The following PEX13 variants were observed in gnomAD, a reference collection of about 807,000 sequenced individuals.
PEX13 encodes peroxisome biogenesis factor 13.
In PEX13, 28 loss-of-function variants were observed where a neutral mutation model predicts 34.5. The observed-to-expected ratio is 0.81, with a 90% CI of 0.60 to 1.11. The LOEUF (loss-of-function observed/expected upper bound fraction) is 1.11. PEX13 is among the 50% of genes most tolerant of loss of function. PEX13 has a pLI of 0.00. For missense variants in PEX13, 550 were observed against 491.0 expected (o/e 1.12, Z -1.13); for synonymous variants, 177 against 175.1 (o/e 1.01, Z -0.09).
chr2:61,018,359 A>T, intron 1 of PEX13: 1 of 1,495,180 alleles, frequency 6.7e-7, no homozygotes, highest in Non-Finnish European at 9.0e-7. Context: ...AGCATAACTC[A>T]GCCAGTGTTT....
intron 2 of PEX13, among the ~76,000 whole-genome samples, chr2:61,038,129 A>G (rs1161357248): frequency 6.6e-6 from 1 of 152,208 alleles, no homozygotes; most frequent in Non-Finnish European, 1.5e-5. Flanking sequence ...TACCAACCAA[A>G]AAAAGTCCAG....
Position 61,045,579 on chromosome 2 carries a change from A to G in PEX13, c.788-147A>G, listed in dbSNP as rs181569906. 118 of 650,438 alleles carry G rather than the reference A, an allele frequency of 1.8e-4. No homozygotes were observed. The East Asian group carries it at 3.1e-3, about 17-fold the overall frequency. The allele number at this position is 650,438 out of a possible 1,614,324, so 40.3% of individuals were successfully genotyped here. ...GGTATCTTTAGTGGATCTATTGTTG[A>G]TTTAACATAGTATTCATTATAGTTT... On this transcript the variant is annotated intron_variant, in intron 2 of 3. Transcript: ENST00000295030.
At chr2:61,040,743 A>C (rs1680609899) in intron 2 of PEX13, among the ~76,000 whole-genome samples, 1 of 148,464 alleles carries the variant, frequency 6.7e-6, no homozygotes, top group Non-Finnish European at 1.5e-5. Context: ...TTAAATGTAA[A>C]TATATATATA....
intron 3 of PEX13, among the ~76,000 whole-genome samples, chr2:61,048,017 C>T (rs972315130): frequency 6.6e-6 from 1 of 152,084 alleles, no homozygotes; most frequent in African/African-American, 2.4e-5. Context: ...ATTACAATCA[C>T]ATGAAACGAA....
At position 61,026,344 on chromosome 2, in the gene PEX13, C is replaced by CTTTTTTTTTT. The variant is rs71402320; in HGVS notation, c.93-5066_93-5057dup. 2.5e-5 allele frequency among the ~76,000 whole-genome samples: 3 copies of CTTTTTTTTTT among 121,222 alleles called. 1 individual carries two copies. The highest frequency in any genetic ancestry group is 1.7e-5 in the Non-Finnish European group (1 of 58,534). 79.5% of individuals were successfully genotyped at this position (121,222 alleles called of 152,430 possible). Reference sequence around the variant, plus strand: ...TGGCTGTGGCCACCTTTTCTTTTTTCTTTTTTTTTTTTTTTTTTGAGACGG... The same window carrying CTTTTTTTTTT: ...TGGCTGTGGCCACCTTTTCTTTTTTCTTTTTTTTTTTTTTTTTTTTTTTTTTTTGAGACGG... On this transcript the variant is annotated intron_variant, in intron 1 of 3. Coordinates refer to ENST00000295030, the MANE Select transcript of PEX13 (RefSeq NM_002618.4).
At chr2:61,045,340 C>A (rs1462116062) in intron 2 of PEX13, among the ~76,000 whole-genome samples, 1 of 152,138 alleles carries the variant, frequency 6.6e-6, no homozygotes, top group Non-Finnish European at 1.5e-5. Context: ...CAAAAAGAAA[C>A]ATGGTTATTA....
chr2:61,036,002 C>T (rs1196165759), intron 2 of PEX13, among the ~76,000 whole-genome samples: 1 of 144,370 alleles, frequency 6.9e-6, no homozygotes, highest in Admixed American at 6.9e-5. Flanking sequence ...AAAAAAAAGC[C>T]GATTCAATCA....
chr2:61,044,233 G>A (rs1475561391), intron 2 of PEX13, among the ~76,000 whole-genome samples: 1 of 151,874 alleles, frequency 6.6e-6, no homozygotes, highest in African/African-American at 2.4e-5. Flanking sequence ...TTACAGGCAT[G>A]AACCACCATG....
intron 2 of PEX13, among the ~76,000 whole-genome samples, chr2:61,041,071 G>A (rs1215981369): frequency 6.6e-6 from 1 of 152,036 alleles, no homozygotes; most frequent in Non-Finnish European, 1.5e-5. Context: ...CCAACACTGG[G>A]AGGATGAGGC....
At position 61,032,093 on chromosome 2, in the gene PEX13, C is replaced by A. The variant is rs985608709; in HGVS notation, c.767C>A (p.Thr256Asn). The change falls in exon 2 of 4, where the codon ACT (threonine) becomes AAT (asparagine). Residue 256 changes from threonine to asparagine, a missense_variant. Physicochemically the swap from Thr to Asn is moderately conservative, Grantham distance 65. Transcript: ENST00000295030. ...GPYLIWKLLS[T>N]HSDEVTDSIN... ...TACCTCATTTGGAAACTATTGTCTA[C>A]TCACAGTGATGAAGTAACAGGTAAG... The A allele has an allele frequency of 6.2e-7, 1 of 1,612,738 alleles. No individual in the cohort carries two copies. Among genetic ancestry groups the A allele is most frequent in the Non-Finnish European group, 8.5e-7 (1 of 1,178,850 alleles).
At chr2:61,037,323 C>T (rs1374939910) in intron 2 of PEX13, among the ~76,000 whole-genome samples, 8 of 152,218 alleles carry the variant, frequency 5.3e-5, no homozygotes, top group African/African-American at 1.9e-4. Flanking sequence ...ATACATTCTT[C>T]TCAGCACCAC....
chr2:61,039,117 A>G (rs1429113622), intron 2 of PEX13, among the ~76,000 whole-genome samples: 4 of 152,256 alleles, frequency 2.6e-5, no homozygotes, highest in Non-Finnish European at 2.9e-5. Context: ...ATGGAAGAAC[A>G]TTCCATGCCC....
At chr2:61,033,651 G>A (rs1680488504) in intron 2 of PEX13, among the ~76,000 whole-genome samples, 1 of 152,198 alleles carries the variant, frequency 6.6e-6, no homozygotes, top group African/African-American at 2.4e-5. Context: ...AATTTTGGGA[G>A]TGTCAGGAGG....
At chr2:61,034,562 G>A (rs1288890685) in intron 2 of PEX13, among the ~76,000 whole-genome samples, 1 of 152,180 alleles carries the variant, frequency 6.6e-6, no homozygotes, top group African/African-American at 2.4e-5. Flanking sequence ...GCCAAGGGAA[G>A]CCATGAGTGA....
rs1261711509 is a variant in PEX13 at position 61,049,230 on chromosome 2, C to G, written c.*460C>G. On this transcript the variant is annotated 3_prime_UTR_variant, in exon 4 of 4. Transcript: ENST00000295030. ...TTTTTTTTACAACCTTAAGTAATCT[C>G]AATAATAAAATTTTCTGATCTGTAT... 1 of 159,262 alleles carries G rather than the reference C, an allele frequency of 6.3e-6. No individual in the cohort carries two copies. Among genetic ancestry groups the G allele is most frequent in the Non-Finnish European group, 1.4e-5 (1 of 72,554 alleles). The allele number at this position is 159,262 out of a possible 1,614,324, so 9.9% of individuals were successfully genotyped here.
At chr2:61,031,181 C>T (rs2104802951) in intron 1 of PEX13, among the ~76,000 whole-genome samples, 1 of 152,202 alleles carries the variant, frequency 6.6e-6, no homozygotes, top group East Asian at 1.9e-4. Context: ...GTCCCAACTG[C>T]TCAGGAGGCT....
chr2:61,020,510 G>A (rs760602568), intron 1 of PEX13, among the ~76,000 whole-genome samples: 57 of 152,154 alleles, frequency 3.7e-4, no homozygotes, highest in Non-Finnish European at 7.1e-4. Context: ...AGATAAGCTA[G>A]CATCCTTGTA....
chr2:61,034,303 G>A (rs533003393), intron 2 of PEX13, among the ~76,000 whole-genome samples: 9 of 152,252 alleles, frequency 5.9e-5, no homozygotes, highest in African/African-American at 2.2e-4. Context: ...AGCCGACTTA[G>A]GTTTTAAAAA....
At chr2:61,027,542 C>G (rs1680380256) in intron 1 of PEX13, among the ~76,000 whole-genome samples, 1 of 152,158 alleles carries the variant, frequency 6.6e-6, no homozygotes, top group African/African-American at 2.4e-5. Context: ...GTCAAGGTGG[C>G]ACATCCTCAT....
Sources: gnomAD v4.1 joint callset for allele counts (sites outside exome capture counted in the v4.1 genomes callset) on GRCh38, gnomAD v4.1.1 for gene constraint, MANE v1.5 for transcripts, NCBI Gene and HGNC (gene_info 2026-07-23, HGNC 2026-07-21) for gene names.